NAV1: variants seen among roughly 807,000 people sequenced by gnomAD.
NAV1 encodes the protein neuron navigator 1, also known as pore membrane and/or filament interacting like protein 3.
A neutral mutation model predicts 175.2 loss-of-function variants in NAV1; 18 were observed. That is an observed-to-expected ratio of 0.10 (90% CI 0.07 to 0.15). The LOEUF (loss-of-function observed/expected upper bound fraction) is 0.15. Among genes scored for constraint, NAV1 ranks in the 10% least tolerant of loss-of-function variants. The pLI is 1.00. For missense variants in NAV1, 1,731 were observed against 2,436.6 expected, an observed-to-expected ratio of 0.71 and a Z score of 6.10; for synonymous variants, 897 against 978.7, an observed-to-expected ratio of 0.92 and a Z score of 1.56.
At chr1:201,598,236 G>A (rs941197568) in intron 2 of NAV1, among the ~76,000 whole-genome samples, 5 of 152,198 alleles carry the variant, frequency 3.3e-5, no homozygotes, top group Non-Finnish European at 5.9e-5. Context: ...ATAGAAATTA[G>A]CTAAGGATAA....
intron 3 of NAV1, among the ~76,000 whole-genome samples, chr1:201,746,965 A>G (rs753657153): frequency 2.0e-5 from 3 of 151,416 alleles, no homozygotes; most frequent in Non-Finnish European, 4.4e-5. Flanking sequence ...AGTCATGCCA[A>G]TGCACTCCAG....
rs763423031 is a variant in NAV1 at position 201,718,699 on chromosome 1, G to A, written c.1170G>A (p.Met390Ile). The A allele has an allele frequency of 8.1e-6, 13 of 1,614,170 alleles. No homozygotes were observed. Among genetic ancestry groups the A allele is most frequent in the Non-Finnish European group, 1.1e-5 (13 of 1,180,032 alleles). Residue 390 changes from methionine (M) to isoleucine (I), a missense_variant, in exon 3 of 30, where the codon ATG (methionine) becomes ATA (isoleucine). Coordinates refer to ENST00000367296, the Ensembl canonical transcript of NAV1. This position sits in a 1 kb window ranked among gnomAD's most constrained non-coding sequence, Gnocchi z 4.8. ...AGGTGGACCTCAAGTCCGGCTACAT[G>A]AGCGACAGTGACCTCATGGGCAAGA...
chr1:201,804,232 A>C (rs1242867339), intron 16 of NAV1, among the ~76,000 whole-genome samples: 1 of 152,078 alleles, frequency 6.6e-6, no homozygotes, highest in Non-Finnish European at 1.5e-5. Flanking sequence ...TCTCTTGCAT[A>C]ATCCTAAACT....
At chr1:201,735,412 C>T (rs116606667) in intron 3 of NAV1, among the ~76,000 whole-genome samples, 85 of 152,330 alleles carry the variant, frequency 5.6e-4, no homozygotes, top group African/African-American at 2.0e-3. Flanking sequence ...GGGTCTGATC[C>T]AGGGTACCTG....
At chr1:201,715,247 T>G (rs888115072) in intron 2 of NAV1, among the ~76,000 whole-genome samples, 6 of 151,158 alleles carry the variant, frequency 4.0e-5, no homozygotes, top group African/African-American at 1.5e-4. Flanking sequence ...CTGCAACCTC[T>G]GTCTCCCAGG....
chr1:201,793,909 T>TGGGGGGGGGGGGGGCCC, intron 14 of NAV1, 34 bp downstream of exon 18: 1 of 516,448 alleles, frequency 1.9e-6, no homozygotes, highest in East Asian at 5.7e-5. Flanking sequence ...GAGGGGTGGG[T>TGGGGGGGGGGGGGGCCC]GCGGCGAGGG....
intron 3 of NAV1, among the ~76,000 whole-genome samples, chr1:201,743,044 C>T (rs12089993): frequency 0.12 from 18,481 of 152,088 alleles, 1,523 homozygotes; most frequent in East Asian, 0.32. Flanking sequence ...TTCATTTAAT[C>T]TTCACAACAA....
chr1:201,790,697 G>C, exon 13 of NAV1: 2 of 1,614,082 alleles, frequency 1.2e-6, no homozygotes, highest in Middle Eastern at 1.6e-4. Flanking sequence ...AGCAAATCCG[G>C]AAGCTTCGTA....
intron 13 of NAV1, chr1:201,792,458 T>C (rs1175024384): frequency 6.6e-6 from 1 of 152,144 alleles, no homozygotes; most frequent in African/African-American, 2.4e-5. Flanking sequence ...GAAGGGTCAA[T>C]GTAGGGAGAG....
intron 2 of NAV1, among the ~76,000 whole-genome samples, chr1:201,594,728 C>T (rs1667304740): frequency 6.6e-6 from 1 of 152,174 alleles, no homozygotes; most frequent in Admixed American, 6.5e-5. Context: ...GCTGGCCTTT[C>T]TCTGGACAGC....
intron 1 of NAV1, among the ~76,000 whole-genome samples, chr1:201,559,439 T>C (rs73082532): frequency 0.024 from 3,606 of 152,008 alleles, 148 homozygotes; most frequent in African/African-American, 0.081. Flanking sequence ...CTCTTGTAGG[T>C]TGGGGGAGGC....
intron 1 of NAV1, among the ~76,000 whole-genome samples, chr1:201,547,972 T>G (rs1339773621): frequency 2.6e-5 from 4 of 152,124 alleles, no homozygotes; most frequent in Non-Finnish European, 4.4e-5. Flanking sequence ...TTTTGTATTT[T>G]CAGTAGAGAC....
intron 3 of NAV1, chr1:201,739,649 C>A: frequency 2.9e-6 from 1 of 349,516 alleles, no homozygotes; most frequent in Non-Finnish European, 4.2e-6. Context: ...CGGAGCAGCC[C>A]AGGTGGAGGT....
rs114528271 is a variant in NAV1 at position 201,659,349 on chromosome 1, C to T, written c.757+9924C>T. ...AGGAATCAGAGGCTGAGCACAGTGGCTCACACCTGTAATCCCAGCACTTTG... is the reference window on the plus strand; with the variant it reads ...AGGAATCAGAGGCTGAGCACAGTGGTTCACACCTGTAATCCCAGCACTTTG... On this transcript the variant is annotated intron_variant, in intron 1 of 29. Transcript: ENST00000367296. Among the ~76,000 whole-genome samples the T allele has an allele frequency of 6.1e-3, 924 of 152,324 alleles. 11 individuals carry two copies. The highest frequency in any genetic ancestry group is 0.021 in the African/African-American group (871 of 41,568).
chr1:201,793,800 G>A (rs146792339), exon 14 of NAV1: 2 of 1,613,464 alleles, frequency 1.2e-6, no homozygotes, highest in South Asian at 1.1e-5. Flanking sequence ...AGGCTAATCT[G>A]GTGGCTGCTT....
chr1:201,608,251 G>A (rs1175361678), intron 2 of NAV1, among the ~76,000 whole-genome samples: 3 of 152,132 alleles, frequency 2.0e-5, no homozygotes, highest in Middle Eastern at 3.2e-3. Flanking sequence ...AAGTAGAACC[G>A]GATTCTGAAC....
At chr1:201,586,345 G>A (rs915123309) in intron 1 of NAV1, among the ~76,000 whole-genome samples, 12 of 152,268 alleles carry the variant, frequency 7.9e-5, no homozygotes, top group African/African-American at 2.9e-4. Context: ...TACAGTTTAA[G>A]TTTTGCAACA....
At chr1:201,630,421 G>A (rs1012937884) in intron 2 of NAV1, among the ~76,000 whole-genome samples, 3 of 152,220 alleles carry the variant, frequency 2.0e-5, no homozygotes, top group African/African-American at 4.8e-5. Context: ...AGCGGGCCAA[G>A]CTGGGGCTTA....
In NAV1 at chr1:201,809,608, G is replaced by A. The variant is rs1015978045; in HGVS notation, c.4401+71G>A. ...AATATATATACTTTTTTAGAGACAGGGTCTCACTCTTGCCACCCAGGCTGG... is the reference window on the plus strand; with the variant it reads ...AATATATATACTTTTTTAGAGACAGAGTCTCACTCTTGCCACCCAGGCTGG... On this transcript the variant is annotated intron_variant, in intron 22 of 29. Transcript: ENST00000367296. 3.5e-6 allele frequency: 5 copies of A among 1,443,548 alleles called. No individual in the cohort carries two copies. The South Asian group carries it at 4.9e-5, about 14-fold the overall frequency. The allele number at this position is 1,443,548 out of a possible 1,614,324, so 89.4% of individuals were successfully genotyped here. A position where few individuals can be genotyped will look rare whatever the true frequency, so the allele number is the denominator to read the frequency against.
Sources: allele counts gnomAD v4.1 joint callset (sites outside exome capture counted in the v4.1 genomes callset), GRCh38; gene constraint gnomAD v4.1.1; non-coding constraint Gnocchi (gnomAD v3.1); transcripts MANE v1.5; gene names NCBI Gene and HGNC (gene_info 2026-07-23, HGNC 2026-07-21).